SLC19A3: variants seen among roughly 807,000 people sequenced by gnomAD.
SLC19A3 encodes solute carrier family 19 member 3.
Under a neutral mutation model 40.2 loss-of-function variants are expected in SLC19A3, and 31 were observed. The ratio of observed to expected loss-of-function variants is 0.77; its 90% CI spans 0.58 to 1.04. The LOEUF (loss-of-function observed/expected upper bound fraction) is 1.04, where lower values mean the gene tolerates loss of function less well. Ranked by LOEUF, SLC19A3 falls within the 50% of genes least tolerant of loss-of-function variation. The pLI is 0.00. For missense variants in SLC19A3, 592 were observed against 596.7 expected (o/e 0.99, Z 0.08); for synonymous variants, 212 against 227.5 (o/e 0.93, Z 0.61).
At position 227,698,839 on chromosome 2, in the gene SLC19A3, A is replaced by G. The variant is rs1695549459; in HGVS notation, c.876T>C (p.Phe292=). The part of the protein sequence containing the change: ...SLWWAFATAG[F]NQVLNYVQIL... Reference sequence around the variant, plus strand: ...TTTGAACATAGTTCAAAACCTGGTTAAAACCTGCTGTGGCGAAAGCCCACC... The same window carrying G: ...TTTGAACATAGTTCAAAACCTGGTTGAAACCTGCTGTGGCGAAAGCCCACC... Residue 292 remains phenylalanine, a synonymous_variant, in exon 3 of 6, where the codon TTT becomes TTC. Transcript: ENST00000644224. 6.2e-7 allele frequency: 1 copy of G among 1,614,222 alleles called. No individual in the cohort carries two copies. Among genetic ancestry groups the G allele is most frequent in the Non-Finnish European group, 8.5e-7 (1 of 1,180,046 alleles).
At chr2:227,702,518 C>G in intron 1 of SLC19A3, 198 bp from the exon 2 acceptor site, 1 of 564,904 alleles carries the variant, frequency 1.8e-6, no homozygotes, top group Non-Finnish European at 3.1e-6. Flanking sequence ...CTCAGCCTCC[C>G]AAGTAGCTGG....
intron 2 of SLC19A3, 143 bp from the exon 3 acceptor site, chr2:227,699,707 C>T: frequency 1.3e-6 from 1 of 797,856 alleles, no homozygotes; most frequent in Non-Finnish European, 2.1e-6. Context: ...TCAAGGAAAT[C>T]ACAAGAAAAG....
chr2:227,711,632 ATCT>A (rs919059340), intron 1 of SLC19A3, among the ~76,000 whole-genome samples: 3 of 152,038 alleles, frequency 2.0e-5, no homozygotes, highest in Non-Finnish European at 4.4e-5. Flanking sequence ...AAGGAAACAG[ATCT>A]TCGTTACCTA....
At chr2:227,702,383 G>A (rs1426897761) in intron 1 of SLC19A3, 63 bp from the exon 2 acceptor site, 35 of 1,517,882 alleles carry the variant, frequency 2.3e-5, no homozygotes, top group Non-Finnish European at 2.9e-5. Flanking sequence ...TCCTTGATGC[G>A]ATGAAAACCT....
At position 227,684,667 on chromosome 2, in the gene SLC19A3, C is replaced by T. The variant is rs1017179295; in HGVS notation, c.*2730G>A. ...TGTCTAATTGTGATGCCTAATGCCT[C>T]CAGAATAATAAGTTAAAAAAGAAGG... On this transcript the variant is annotated 3_prime_UTR_variant, in exon 6 of 6. Transcript: ENST00000644224. 8 of 151,966 alleles carry T rather than the reference C, an allele frequency of 5.3e-5. No homozygotes were observed. Among genetic ancestry groups the T allele is most frequent in the Non-Finnish European group, 1.2e-4 (8 of 68,024 alleles). 9.4% of individuals were successfully genotyped at this position (151,966 alleles called of 1,614,324 possible).
At position 227,685,735 on chromosome 2, in the gene SLC19A3, A is replaced by T. The variant is rs1268649976; in HGVS notation, c.*1662T>A. 6.5e-6 allele frequency: 1 copy of T among 153,116 alleles called. No homozygotes were observed. Among genetic ancestry groups the T allele is most frequent in the African/African-American group, 2.4e-5 (1 of 41,448 alleles). The allele number at this position is 153,116 out of a possible 1,614,324, so 9.5% of individuals were successfully genotyped here. A position where few individuals can be genotyped will look rare whatever the true frequency, so the allele number is the denominator to read the frequency against. Reference sequence around the variant, plus strand: ...GCCTTAATATAAATCTTGACTCAGCATTCTTTATTCTCACTGTCAGACTGC... The same window carrying T: ...GCCTTAATATAAATCTTGACTCAGCTTTCTTTATTCTCACTGTCAGACTGC... On this transcript the variant is annotated 3_prime_UTR_variant, in exon 6 of 6. Coordinates refer to ENST00000644224, the MANE Select transcript of SLC19A3 (RefSeq NM_025243.4).
At chr2:227,715,256 C>G (rs1289397341) in intron 1 of SLC19A3, among the ~76,000 whole-genome samples, 1 of 148,374 alleles carries the variant, frequency 6.7e-6, no homozygotes. Flanking sequence ...CCACACCCCC[C>G]CCAAAAAAAA....
chr2:227,696,095 T>C lies in SLC19A3; in HGVS notation c.980-14A>G, dbSNP rs200542114. On this transcript the variant is annotated splice_polypyrimidine_tract_variant and intron_variant, in intron 3 of 5. Transcript: ENST00000644224. ...CAGCCACAGCCCCTGAAAAAAAACA[T>C]TGAAGGCAATCAAACATAATGACTT... 91 of 1,612,712 alleles carry C rather than the reference T, an allele frequency of 5.6e-5. No individual in the cohort carries two copies. Among genetic ancestry groups the C allele is most frequent in the Admixed American group, 3.5e-4 (21 of 59,762 alleles).
chr2:227,700,478 C>A (rs910696204), intron 2 of SLC19A3, among the ~76,000 whole-genome samples: 1 of 151,986 alleles, frequency 6.6e-6, no homozygotes, highest in African/African-American at 2.4e-5. Context: ...GCAGAGGTTG[C>A]AGAGAGCCGA....
At position 227,687,325 on chromosome 2, in the gene SLC19A3, G is replaced by A; in HGVS notation, c.*72C>T. Reference sequence around the variant, plus strand: ...CATGTCAAGTTATGGCAAAACATATGCCACCCATCTCAAAATCTTTCCTTA... The same window carrying A: ...CATGTCAAGTTATGGCAAAACATATACCACCCATCTCAAAATCTTTCCTTA... On this transcript the variant is annotated 3_prime_UTR_variant, in exon 6 of 6. Coordinates refer to ENST00000644224, the MANE Select transcript of SLC19A3 (RefSeq NM_025243.4). The A allele has an allele frequency of 2.1e-6, 3 of 1,452,478 alleles. No homozygotes were observed. In the South Asian group the frequency reaches 4.0e-5, roughly 19 times the overall value. The allele number at this position is 1,452,478 out of a possible 1,614,324, so 90.0% of individuals were successfully genotyped here.
chr2:227,706,130 G>C (rs1235718056), intron 1 of SLC19A3, among the ~76,000 whole-genome samples: 1 of 152,038 alleles, frequency 6.6e-6, no homozygotes, highest in African/African-American at 2.4e-5. Flanking sequence ...TGCTGTTTGG[G>C]AGGATCACTT....
At chr2:227,697,795 T>A (rs915282116) in intron 3 of SLC19A3, among the ~76,000 whole-genome samples, 9 of 152,300 alleles carry the variant, frequency 5.9e-5, no homozygotes, top group African/African-American at 1.9e-4. Flanking sequence ...TTACTTCTTG[T>A]GGCTGGGCGT....
intron 5 of SLC19A3, 26 bp from the exon 6 acceptor site, chr2:227,687,599 C>T (rs770201602): frequency 3.0e-5 from 48 of 1,608,060 alleles, no homozygotes; most frequent in Admixed American, 1.8e-4. Context: ...TAATTAGCCA[C>T]ATATAAAATA....
At position 227,684,541 on chromosome 2, in the gene SLC19A3, A is replaced by C. The variant is rs936631302; in HGVS notation, c.*2856T>G. The C allele has an allele frequency of 2.0e-5, 3 of 152,166 alleles. No individual in the cohort carries two copies. The highest frequency in any genetic ancestry group is 6.5e-5 in the Admixed American group (1 of 15,270). 9.4% of individuals were successfully genotyped at this position (152,166 alleles called of 1,614,324 possible). ...AGGCTTGCCTCCAATTCCTGGCCTC[A>C]TGTGATCTGACCGCCTCAGCCTCCC... On this transcript the variant is annotated 3_prime_UTR_variant, in exon 6 of 6. Coordinates refer to ENST00000644224, the MANE Select transcript of SLC19A3 (RefSeq NM_025243.4).
At position 227,715,565 on chromosome 2, in the gene SLC19A3, A is replaced by G. The variant is rs1044328080; in HGVS notation, c.-3+2378T>C. 4.6e-5 allele frequency among the ~76,000 whole-genome samples: 7 copies of G among 152,224 alleles called. No individual in the cohort carries two copies. In the East Asian group the frequency reaches 1.2e-3, roughly 25 times the overall value. On this transcript the variant is annotated intron_variant, in intron 1 of 5. Coordinates refer to ENST00000644224, the MANE Select transcript of SLC19A3 (RefSeq NM_025243.4). The stretch of plus-strand genomic sequence containing the variant: ...GATGCTTCAGATTTTATTTTATCAT[A>G]TATGGTACCATTCCTTTTAATTTGC...
At chr2:227,712,921 G>C (rs988483519) in intron 1 of SLC19A3, among the ~76,000 whole-genome samples, 4 of 152,274 alleles carry the variant, frequency 2.6e-5, no homozygotes, top group Admixed American at 6.5e-5. Flanking sequence ...GTAGGGAAGA[G>C]AGTGACTGCA....
intron 1 of SLC19A3, among the ~76,000 whole-genome samples, chr2:227,715,816 G>GGT (rs71412140): frequency 0.018 from 2,747 of 152,060 alleles, 92 homozygotes; most frequent in African/African-American, 0.063. Flanking sequence ...TAGGCATGGT[G>GGT]GTGTGTGCCT....
intron 1 of SLC19A3, among the ~76,000 whole-genome samples, chr2:227,710,715 A>C (rs978883274): frequency 6.6e-6 from 1 of 152,178 alleles, no homozygotes; most frequent in Non-Finnish European, 1.5e-5. Context: ...ACACGTTATC[A>C]AAGAGGGTCA....
chr2:227,699,644 C>T (rs1018871311), intron 2 of SLC19A3, 80 bp from the exon 3 acceptor site: 16 of 1,191,388 alleles, frequency 1.3e-5, no homozygotes, highest in Non-Finnish European at 1.9e-5. Flanking sequence ...CAAATTCTGC[C>T]TCCAATTGGA....
Sources: allele counts gnomAD v4.1 joint callset (sites outside exome capture counted in the v4.1 genomes callset), GRCh38; gene constraint gnomAD v4.1.1; transcripts MANE v1.5; gene names NCBI Gene and HGNC (gene_info 2026-07-23, HGNC 2026-07-21).